The following ZFHX3 variants were observed in gnomAD, a reference collection of about 807,000 sequenced individuals.
ZFHX3 encodes zinc finger homeobox protein 3.
A neutral mutation model predicts 279.1 loss-of-function variants in ZFHX3; 42 were observed. The ratio of observed to expected loss-of-function variants is 0.15; its 90% confidence interval spans 0.12 to 0.19. ZFHX3 has a LOEUF of 0.19. ZFHX3 is among the 10% of genes least tolerant of loss of function. The probability of loss-of-function intolerance (pLI) is 1.00; values close to 1 mark genes in which losing one functional copy is unlikely to be tolerated. For missense variants in ZFHX3, 4,981 were observed against 4,754.0 expected (o/e 1.05, Z -1.40); for synonymous variants, 2,293 against 1,957.8 (o/e 1.17, Z -4.52).
At chr16:73,103,085 T>C (rs1384567992) in intron 7 of ZFHX3, among the ~76,000 whole-genome samples, 1 of 152,086 alleles carries the variant, frequency 6.6e-6, no homozygotes, top group Non-Finnish European at 1.5e-5. Context: ...CTACCAACCC[T>C]GGCTAATTTT....
At chr16:72,907,545 T>G (rs867007517) in intron 3 of ZFHX3, among the ~76,000 whole-genome samples, 83 of 120,478 alleles carry the variant, frequency 6.9e-4, no homozygotes, top group Middle Eastern at 8.8e-3. Flanking sequence ...TTTCCTCTAT[T>G]TGTGTGTGTG....
chr16:73,799,667 T>C (rs777824166), intron 1 of ZFHX3, among the ~76,000 whole-genome samples: 5 of 152,192 alleles, frequency 3.3e-5, no homozygotes, highest in Non-Finnish European at 7.3e-5. Flanking sequence ...GCAACTCTAT[T>C]TGGGCTCCAG....
intron 1 of ZFHX3, among the ~76,000 whole-genome samples, chr16:73,799,497 G>A (rs1328719403): frequency 6.6e-6 from 1 of 152,122 alleles, no homozygotes; most frequent in Non-Finnish European, 1.5e-5. Flanking sequence ...GATGGAGAAG[G>A]GAAGAGAGAT....
intron 5 of ZFHX3, among the ~76,000 whole-genome samples, chr16:73,144,955 C>A (rs984737507): frequency 1.3e-5 from 2 of 152,192 alleles, no homozygotes; most frequent in Admixed American, 1.3e-4. Flanking sequence ...CAATCTAACA[C>A]CCTCATATAA....
intron 1 of ZFHX3, among the ~76,000 whole-genome samples, chr16:73,800,620 G>C (rs980155992): frequency 3.3e-5 from 5 of 152,030 alleles, no homozygotes; most frequent in African/African-American, 9.7e-5. Flanking sequence ...ACTCTTGCCA[G>C]TTAAAGTTAA....
chr16:73,377,178 G>A (rs1405420826), intron 3 of ZFHX3, among the ~76,000 whole-genome samples: 1 of 151,962 alleles, frequency 6.6e-6, no homozygotes, highest in Non-Finnish European at 1.5e-5. Flanking sequence ...CACCATATTG[G>A]CCAGGCTGGT....
intron 3 of ZFHX3, among the ~76,000 whole-genome samples, chr16:72,949,257 G>A (rs1354307922): frequency 6.6e-6 from 1 of 152,158 alleles, no homozygotes; most frequent in Admixed American, 6.5e-5. Context: ...CAACTAGCTC[G>A]GGGCCAGCAG....
At chr16:73,091,413 CA>C (rs779768833) in intron 8 of ZFHX3, among the ~76,000 whole-genome samples, 57 of 152,250 alleles carry the variant, frequency 3.7e-4, no homozygotes, top group Non-Finnish European at 4.6e-4. Context: ...GGCGGAACCC[CA>C]GGGAATCCCT....
At chr16:73,639,986 T>C (rs1055570297) in intron 2 of ZFHX3, among the ~76,000 whole-genome samples, 12 of 152,118 alleles carry the variant, frequency 7.9e-5, no homozygotes, top group African/African-American at 2.2e-4. Context: ...AATTGGAGGA[T>C]TGGCCAAAAG....
chr16:73,760,031 A>G (rs1460012094), intron 1 of ZFHX3, among the ~76,000 whole-genome samples: 1 of 151,180 alleles, frequency 6.6e-6, no homozygotes, highest in African/African-American at 2.5e-5. Context: ...AAAAAAATTA[A>G]TAAAACAGAC....
intron 2 of ZFHX3, among the ~76,000 whole-genome samples, chr16:73,631,898 T>TTCTCTCTC (rs139812596): frequency 0.017 from 2,138 of 128,366 alleles, 16 homozygotes; most frequent in African/African-American, 0.02. Context: ...TAGAGTGGGA[T>TTCTCTCTC]TCTCTCTCTC....
At chr16:72,962,342 G>A (rs1961620239) in intron 1 of ZFHX3, among the ~76,000 whole-genome samples, 1 of 152,228 alleles carries the variant, frequency 6.6e-6, no homozygotes, top group East Asian at 1.9e-4. Flanking sequence ...ATCCAGCCAA[G>A]AGGCTGGGAC....
At chr16:73,162,259 T>C (rs1967256055) in intron 5 of ZFHX3, among the ~76,000 whole-genome samples, 1 of 152,152 alleles carries the variant, frequency 6.6e-6, no homozygotes, top group African/African-American at 2.4e-5. Context: ...ACTGCAGTGG[T>C]ATTGGATTGT....
intron 3 of ZFHX3, among the ~76,000 whole-genome samples, chr16:72,902,885 G>A (rs1170395037): frequency 6.6e-6 from 1 of 152,174 alleles, no homozygotes; most frequent in African/African-American, 2.4e-5. Flanking sequence ...GCCAGCCGGG[G>A]GCTAAAGTTG....
chr16:72,891,558 G>A (rs1319380814), intron 3 of ZFHX3, among the ~76,000 whole-genome samples: 3 of 152,152 alleles, frequency 2.0e-5, no homozygotes, highest in Non-Finnish European at 4.4e-5. Flanking sequence ...GGGGAAGAGG[G>A]AATTCTTCCA....
chr16:73,448,454 A>G (rs2018225082), intron 3 of ZFHX3, among the ~76,000 whole-genome samples: 1 of 152,202 alleles, frequency 6.6e-6, no homozygotes, highest in Admixed American at 6.5e-5. Context: ...TAGAACTAAT[A>G]AATAAATTAG....
chr16:73,485,630 C>G (rs1205512339), intron 2 of ZFHX3, among the ~76,000 whole-genome samples: 2 of 152,148 alleles, frequency 1.3e-5, no homozygotes. Flanking sequence ...TCCAGCCACA[C>G]TAAGTGTCTT....
chr16:73,076,239 G>C (rs192674311), intron 8 of ZFHX3, among the ~76,000 whole-genome samples: 147 of 152,302 alleles, frequency 9.7e-4, no homozygotes, highest in Admixed American at 1.4e-3. Flanking sequence ...GGGTTGCAGC[G>C]TGAAGATCAA....
At chr16:73,873,051 T>G (rs1597152928) in intron 1 of ZFHX3, among the ~76,000 whole-genome samples, 1 of 17,498 alleles carries the variant, frequency 5.7e-5, no homozygotes, top group African/African-American at 3.7e-4. Context: ...TGGATGGTGG[T>G]GGCGGTGGGT....
Sources: gnomAD v4.1 joint callset for allele counts (sites outside exome capture counted in the v4.1 genomes callset) on GRCh38, gnomAD v4.1.1 for gene constraint, MANE v1.5 for transcripts, NCBI Gene and HGNC (gene_info 2026-07-23, HGNC 2026-07-21) for gene names.